The following PAGE1 variants were observed in gnomAD, a reference collection of about 807,000 sequenced individuals.
The protein encoded by PAGE1 is PAGE family member 1, also known as P antigen family member 1.
In PAGE1, 6 loss-of-function variants were observed where a neutral mutation model predicts 11.5. The observed-to-expected ratio is 0.52, with a 90% CI of 0.29 to 1.03. PAGE1 has a LOEUF of 1.03. Ranked by LOEUF, PAGE1 falls within the 50% of genes least tolerant of loss-of-function variation. PAGE1 has a pLI of 0.09. For missense variants in PAGE1, 120 were observed against 110.2 expected, an observed-to-expected ratio of 1.09 and a Z score of -0.40; for synonymous variants, 42 against 40.2, an observed-to-expected ratio of 1.05 and a Z score of -0.17.
intron 3 of PAGE1, among the ~76,000 whole-genome samples, chrX:49,693,477 T>C (rs782691495): frequency 1.3e-3 from 143 of 112,057 alleles, no homozygotes; most frequent in Non-Finnish European, 1.7e-3. Flanking sequence ...ATAATTCCTT[T>C]TTTTTGGTTT....
chrX:49,687,689 C>T (rs1486140465), intron 5 of PAGE1, 126 bp from the exon 6 acceptor site: 2 of 529,046 alleles, frequency 3.8e-6, no homozygotes, highest in Non-Finnish European at 3.0e-6. Context: ...ACTCTAAGGG[C>T]GATCCTGTGT....
intron 4 of PAGE1, among the ~76,000 whole-genome samples, chrX:49,689,770 GTGTGTATATATACACACA>G (rs2066904856): frequency 1.7e-5 from 1 of 57,430 alleles, no homozygotes; most frequent in Non-Finnish European, 3.0e-5. Context: ...ACATATATAT[GTGTGTATATATACACACA>G]TATATATGTA....
chrX:49,688,213 G>C (rs1341025697), intron 5 of PAGE1, among the ~76,000 whole-genome samples: 2 of 112,509 alleles, frequency 1.8e-5, no homozygotes, highest in Non-Finnish European at 3.8e-5. Context: ...AACACAGTGA[G>C]ACCTCATCTG....
intron 4 of PAGE1, among the ~76,000 whole-genome samples, 181 bp from the exon 5 acceptor site, chrX:49,689,724 G>A (rs868976303): frequency 6.1e-5 from 3 of 49,353 alleles, no homozygotes; most frequent in African/African-American, 2.6e-4. Flanking sequence ...ATGTATATAT[G>A]TATATATACA....
rs1557142205 is a variant in PAGE1, at chrX:49,691,338, T to C, written c.203A>G (p.Gln68Arg). 2.5e-6 allele frequency: 3 copies of C among 1,208,942 alleles called. No individual in the cohort carries two copies. In the South Asian group the frequency reaches 5.3e-5, roughly 21 times the overall value. ...TCCAAGCTCACACCCAGTCTTTGGCTGAACCAGTTCCTGGCTATCAGCTTC... is the reference window on the plus strand; with the variant it reads ...TCCAAGCTCACACCCAGTCTTTGGCCGAACCAGTTCCTGGCTATCAGCTTC... ...EPEADSQELV[Q>R]PKTGCELGDG... The change falls in exon 4 of 6, where the codon CAG becomes CGG. Residue 68 changes from glutamine to arginine, a missense_variant. Gln to Arg is a conservative substitution (Grantham distance 43, BLOSUM62 1). Coordinates refer to ENST00000376150, the MANE Select transcript of PAGE1 (RefSeq NM_003785.4).
chrX:49,690,068 C>T (rs868952800), intron 4 of PAGE1, among the ~76,000 whole-genome samples: 2 of 60,813 alleles, frequency 3.3e-5, no homozygotes, highest in South Asian at 1.2e-3. Context: ...TGTATATACA[C>T]ACATATATAT....
chrX:49,687,663 A>G, intron 5 of PAGE1, 100 bp from the exon 6 acceptor site: 1 of 750,205 alleles, frequency 1.3e-6, no homozygotes, highest in Non-Finnish European at 2.0e-6. Context: ...GTTTTATAAA[A>G]TGGACTAAAA....
intron 4 of PAGE1, among the ~76,000 whole-genome samples, chrX:49,690,648 A>T (rs1264648232): frequency 3.6e-5 from 4 of 111,920 alleles, no homozygotes; most frequent in African/African-American, 6.5e-5. Flanking sequence ...ATTCCAGATT[A>T]AAGGAAACTA....
rs781826308 is a variant in PAGE1, at chrX:49,694,154, A to G, written c.111T>C (p.Ser37=). ...QPDEVESPTQ[S]QDSTPAEERE... is the part of the protein sequence containing the mutation. ...TCTCTTCAGCAGGTGTAGAATCCTG[A>G]CTTTGAGTTGGTGATTCCACTTCGT... Residue 37 remains serine (S), a synonymous_variant, in exon 3 of 6, where the codon AGT becomes AGC. Transcript: ENST00000376150. The G allele has an allele frequency of 1.3e-5, 16 of 1,189,078 alleles. No homozygotes were observed. The East Asian group carries it at 4.5e-4, about 34-fold the overall frequency.
At chrX:49,689,095 C>T (rs2066893852) in intron 5 of PAGE1, among the ~76,000 whole-genome samples, 1 of 111,146 alleles carries the variant, frequency 9.0e-6, no homozygotes, top group Admixed American at 9.7e-5. Context: ...AATCCTGGCA[C>T]TTTAGTAGGC....
At chrX:49,690,563 A>G (rs965820358) in intron 4 of PAGE1, among the ~76,000 whole-genome samples, 3 of 111,182 alleles carry the variant, frequency 2.7e-5, no homozygotes, top group Non-Finnish European at 5.6e-5. Flanking sequence ...CAAATCCTGA[A>G]CATTCTGCAC....
At chrX:49,691,160 A>G in intron 4 of PAGE1, 89 bp downstream of exon 4, 3 of 926,053 alleles carry the variant, frequency 3.2e-6, no homozygotes, top group Non-Finnish European at 4.5e-6. Context: ...CCTGGGTGAC[A>G]GAGTGAGACT....
Position 49,691,240 on chromosome X carries a change from ACTAC to A in PAGE1, c.292+5_292+8del. 8.3e-7 allele frequency: 1 copy of A among 1,208,116 alleles called. No individual in the cohort carries two copies. The highest frequency in any genetic ancestry group is 1.7e-5 in the African/African-American group (1 of 57,691). On this transcript the variant is annotated splice_donor_5th_base_variant and intron_variant, in intron 4 of 5. Transcript: ENST00000376150. The stretch of plus-strand genomic sequence containing the variant: ...ACCCTACAATTTGCATGCTTAATGG[ACTAC>A]CTACCTTCTGCGGGCAGTTTCATCT...
chrX:49,694,021 GACACACACAC>G (rs565227923), intron 3 of PAGE1, 68 bp downstream of exon 3: 184 of 363,212 alleles, frequency 5.1e-4, no homozygotes, highest in African/African-American at 3.3e-3. Context: ...CAATGCATGA[GACACACACAC>G]ACACACACAC....
chrX:49,693,005 A>C (rs61210667), intron 3 of PAGE1, among the ~76,000 whole-genome samples: 2,118 of 111,223 alleles, frequency 0.019, 52 homozygotes, highest in African/African-American at 0.065. Flanking sequence ...TACCAACAGC[A>C]GTGTGCATCA....
chrX:49,689,458 C>T lies in PAGE1; in HGVS notation c.378G>A (p.Leu126=), dbSNP rs1557141438. 1 of 1,092,575 alleles carries T rather than the reference C, an allele frequency of 9.2e-7. No homozygotes were observed. The highest frequency in any genetic ancestry group is 1.9e-5 in the South Asian group (1 of 51,634). The allele number at this position is 1,092,575 out of a possible 1,213,427, so 90.0% of individuals were successfully genotyped here. A position where few individuals can be genotyped will look rare whatever the true frequency, so the allele number is the denominator to read the frequency against. The change falls in exon 5 of 6, where the codon TTG becomes TTA. Residue 126 remains leucine, a synonymous_variant. Transcript: ENST00000376150. The part of the protein sequence containing the change: ...ERGDGPDVQE[L]GLPNPEEVKT... ...TCACCTCCTCTGGATTTGGCAGGCC[C>T]AACTCCTGGACATCAGGACCATCTC...
At chrX:49,691,113 T>C (rs1296914362) in intron 4 of PAGE1, 136 bp downstream of exon 4, 7 of 533,472 alleles carry the variant, frequency 1.3e-5, no homozygotes, top group Non-Finnish European at 2.0e-5. Context: ...AGCAGGTGGA[T>C]GTTGCAGTGA....
At chrX:49,694,566 A>G in intron 2 of PAGE1, 142 bp downstream of exon 2, 1 of 409,505 alleles carries the variant, frequency 2.4e-6, no homozygotes, top group East Asian at 4.1e-5. Context: ...ATGAGATACC[A>G]GAATCTTATT....
chrX:49,692,528 A>G (rs1557142318), intron 3 of PAGE1, among the ~76,000 whole-genome samples: 1 of 111,687 alleles, frequency 9.0e-6, no homozygotes, highest in Non-Finnish European at 1.9e-5. Flanking sequence ...TCATTGTACT[A>G]TTCTTGCAAA....
Sources: allele counts gnomAD v4.1 joint callset (sites outside exome capture counted in the v4.1 genomes callset), GRCh38; gene constraint gnomAD v4.1.1; transcripts MANE v1.5; gene names NCBI Gene and HGNC (gene_info 2026-07-23, HGNC 2026-07-21).